The following MEI4 variants were observed in gnomAD, a reference collection of about 807,000 sequenced individuals.
MEI4 encodes meiotic double-stranded break formation protein 4.
A neutral mutation model predicts 31.4 loss-of-function variants in MEI4; 27 were observed. The observed-to-expected ratio is 0.86, with a 90% confidence interval of 0.63 to 1.19. The LOEUF is 1.19. MEI4 is among the 50% of genes most tolerant of loss of function. The probability of loss-of-function intolerance (pLI) is 0.00; values close to 1 mark genes in which losing one functional copy is unlikely to be tolerated. For synonymous variants in MEI4, 122 were observed against 145.4 expected (o/e 0.84, Z 1.16); for missense variants, 329 against 398.9 (o/e 0.82, Z 1.49).
intron 2 of MEI4, among the ~76,000 whole-genome samples, chr6:77,733,751 T>C (rs761492139): frequency 6.6e-5 from 10 of 152,110 alleles, no homozygotes; most frequent in Non-Finnish European, 1.3e-4. Flanking sequence ...TTCTGCTTTC[T>C]CTTGTGGGCA....
chr6:77,744,871 G>A (rs560842900), intron 2 of MEI4, among the ~76,000 whole-genome samples: 1 of 152,250 alleles, frequency 6.6e-6, no homozygotes, highest in South Asian at 2.1e-4. Context: ...GCCAAACTAA[G>A]CTTCATAAGT....
intron 4 of MEI4, among the ~76,000 whole-genome samples, chr6:77,893,762 T>C (rs538478645): frequency 1.3e-5 from 2 of 152,354 alleles, no homozygotes; most frequent in South Asian, 4.1e-4. Flanking sequence ...GAAAGCTTTT[T>C]CTGGGACCAT....
chr6:77,770,859 C>T (rs1768295912), intron 3 of MEI4, among the ~76,000 whole-genome samples: 1 of 152,004 alleles, frequency 6.6e-6, no homozygotes, highest in Non-Finnish European at 1.5e-5. Context: ...CTAGGAAATA[C>T]CATTCTGGAC....
At chr6:77,909,106 A>C (rs1316473719) in intron 4 of MEI4, among the ~76,000 whole-genome samples, 1 of 152,152 alleles carries the variant, frequency 6.6e-6, no homozygotes, top group Non-Finnish European at 1.5e-5. Context: ...GTTGGAACTA[A>C]AGCACTCCTC....
intron 2 of MEI4, among the ~76,000 whole-genome samples, chr6:77,734,115 G>T (rs9361264): frequency 0.14 from 20,972 of 151,924 alleles, 1,570 homozygotes; most frequent in Middle Eastern, 0.21. Context: ...TTGATTTGGG[G>T]TGGAGAGTTC....
At chr6:77,913,444 A>G (rs1408497754) in intron 4 of MEI4, among the ~76,000 whole-genome samples, 1 of 152,090 alleles carries the variant, frequency 6.6e-6, no homozygotes, top group Non-Finnish European at 1.5e-5. Flanking sequence ...AGATGTTTTT[A>G]TTACTGATAC....
chr6:77,660,890 A>G (rs899701735), intron 1 of MEI4, among the ~76,000 whole-genome samples: 15 of 152,258 alleles, frequency 9.9e-5, no homozygotes, highest in Admixed American at 2.6e-4. Context: ...TTGAGGGGTC[A>G]GATTCTTAAC....
intron 3 of MEI4, among the ~76,000 whole-genome samples, chr6:77,786,569 A>G (rs1426493009): frequency 4.6e-5 from 7 of 152,146 alleles, no homozygotes; most frequent in African/African-American, 1.7e-4. Flanking sequence ...AAATGTAATA[A>G]GACGGGAAAA....
chr6:77,916,948 G>A (rs1204846667), intron 4 of MEI4, among the ~76,000 whole-genome samples: 14 of 141,296 alleles, frequency 9.9e-5, no homozygotes, highest in Non-Finnish European at 7.6e-5. Context: ...AGTCCCCAGA[G>A]TGTGATATTC....
At chr6:77,826,337 C>G (rs1011700570) in intron 3 of MEI4, among the ~76,000 whole-genome samples, 1 of 152,130 alleles carries the variant, frequency 6.6e-6, no homozygotes, top group Non-Finnish European at 1.5e-5. Flanking sequence ...TTGTTCTACA[C>G]CCAGGGTCCC....
chr6:77,769,435 G>A (rs1768253730), intron 3 of MEI4, among the ~76,000 whole-genome samples: 1 of 152,148 alleles, frequency 6.6e-6, no homozygotes, highest in Non-Finnish European at 1.5e-5. Context: ...AGACCACAAG[G>A]ACTGCAATTC....
chr6:77,877,332 T>A (rs1445965186), intron 4 of MEI4, among the ~76,000 whole-genome samples: 1 of 152,010 alleles, frequency 6.6e-6, no homozygotes, highest in Non-Finnish European at 1.5e-5. Context: ...TTTCTAAATC[T>A]CTTATAACCC....
chr6:77,763,815 G>T (rs1302749706), intron 3 of MEI4, among the ~76,000 whole-genome samples: 1 of 151,828 alleles, frequency 6.6e-6, no homozygotes, highest in Non-Finnish European at 1.5e-5. Flanking sequence ...ATTATTTGTT[G>T]GGAGACTTTT....
chr6:77,829,043 A>G lies in MEI4; in HGVS notation c.881A>G (p.Asp294Gly). Residue 294 changes from aspartate to glycine, a missense_variant, in exon 4 of 5, where the codon GAT (aspartate) becomes GGT (glycine). Coordinates refer to ENST00000684080, the MANE Select transcript of MEI4 (RefSeq NM_001322247.2). Reference protein sequence around the residue: ...LLSEVNGFADDLGAINQEQAS... With the variant: ...LLSEVNGFADGLGAINQEQAS... ...TCAGAAGTAAATGGCTTTGCTGATG[A>G]TCTGGGAGCCATCAATCAGGTACAC... 1 of 1,231,912 alleles carries G rather than the reference A, an allele frequency of 8.1e-7. No individual in the cohort carries two copies. Among genetic ancestry groups the G allele is most frequent in the Non-Finnish European group, 1.0e-6 (1 of 987,834 alleles). The allele number at this position is 1,231,912 out of a possible 1,614,324, so 76.3% of individuals were successfully genotyped here. A position where few individuals can be genotyped will look rare whatever the true frequency, so the allele number is the denominator to read the frequency against.
intron 4 of MEI4, among the ~76,000 whole-genome samples, chr6:77,858,133 CAGAG>C (rs374761635): frequency 1.4e-4 from 22 of 152,218 alleles, no homozygotes; most frequent in African/African-American, 5.1e-4. Context: ...AGTTATCTAA[CAGAG>C]AGTAATTTGT....
intron 3 of MEI4, among the ~76,000 whole-genome samples, chr6:77,782,299 G>T (rs988847973): frequency 2.0e-5 from 3 of 152,042 alleles, no homozygotes; most frequent in Non-Finnish European, 2.9e-5. Context: ...CAGCCTATAA[G>T]ACATTATGTG....
At chr6:77,651,991 GGT>G (rs1768307616), upstream of MEI4, among the ~76,000 whole-genome samples, 1 of 152,154 alleles carries the variant, frequency 6.6e-6, no homozygotes, top group African/African-American at 2.4e-5. Flanking sequence ...TGGATATTGT[GGT>G]GAAGATCAAA....
At chr6:77,827,017 C>A (rs1582188814) in intron 3 of MEI4, among the ~76,000 whole-genome samples, 1 of 152,100 alleles carries the variant, frequency 6.6e-6, no homozygotes, top group African/African-American at 2.4e-5. Flanking sequence ...AGGAATCATT[C>A]CCCAAACCAC....
intron 1 of MEI4, among the ~76,000 whole-genome samples, chr6:77,684,716 T>C (rs191946272): frequency 1.4e-4 from 22 of 152,336 alleles, no homozygotes; most frequent in East Asian, 1.9e-4. Context: ...TAGTACTCCA[T>C]TGTGTATATG....
Sources: gnomAD v4.1 joint callset for allele counts (sites outside exome capture counted in the v4.1 genomes callset) on GRCh38, gnomAD v4.1.1 for gene constraint, MANE v1.5 for transcripts, NCBI Gene and HGNC (gene_info 2026-07-23, HGNC 2026-07-21) for gene names.